GLS: variants seen among roughly 807,000 people sequenced by gnomAD.
The protein encoded by GLS is glutaminase.
A neutral mutation model predicts 86.7 loss-of-function variants in GLS; 36 were observed. That is an observed-to-expected ratio of 0.42 (90% confidence interval 0.32 to 0.55). GLS has a LOEUF of 0.55. GLS is among the 20% of genes least tolerant of loss of function. GLS has a pLI of 0.17. For missense variants in GLS, 528 were observed against 833.4 expected (o/e 0.63, Z 4.51); for synonymous variants, 317 against 305.9 (o/e 1.04, Z -0.38).
Position 190,964,419 on chromosome 2 carries a change from A to C in GLS, c.*1433A>C, listed in dbSNP as rs1330236215. 1 of 151,548 alleles carries C rather than the reference A, an allele frequency of 6.6e-6. No homozygotes were observed. Among genetic ancestry groups the C allele is most frequent in the Non-Finnish European group, 1.5e-5 (1 of 68,036 alleles). 9.4% of individuals were successfully genotyped at this position (151,548 alleles called of 1,614,324 possible). ...ATGAATGTTAGTTGTTATCACATACAGCAAATTCCTTTTTTTTTCTTTTTC... is the reference window on the plus strand; with the variant it reads ...ATGAATGTTAGTTGTTATCACATACCGCAAATTCCTTTTTTTTTCTTTTTC... On this transcript the variant is annotated 3_prime_UTR_variant, in exon 18 of 18. Transcript: ENST00000320717. This position sits in a 1 kb window ranked among gnomAD's most constrained non-coding sequence, Gnocchi z 5.2.
In GLS at chr2:190,964,225, T is replaced by A. The variant is rs1691068506; in HGVS notation, c.*1239T>A. On this transcript the variant is annotated 3_prime_UTR_variant, in exon 18 of 18. Coordinates refer to ENST00000320717, the MANE Select transcript of GLS (RefSeq NM_014905.5). This position sits in a 1 kb window ranked among gnomAD's most constrained non-coding sequence, Gnocchi z 5.2. ...CATTTGGAAAGTGGGTAAAAGGGGCTTCAAAAAACGGATAGAACAGGATTT... is the reference window on the plus strand; with the variant it reads ...CATTTGGAAAGTGGGTAAAAGGGGCATCAAAAAACGGATAGAACAGGATTT... The A allele has an allele frequency of 1.3e-5, 2 of 152,118 alleles. No individual in the cohort carries two copies. The highest frequency in any genetic ancestry group is 4.8e-5 in the African/African-American group (2 of 41,410). The allele number at this position is 152,118 out of a possible 1,614,324, so 9.4% of individuals were successfully genotyped here.
intron 7 of GLS, among the ~76,000 whole-genome samples, chr2:190,910,854 A>G (rs992613331): frequency 6.6e-6 from 1 of 150,752 alleles, no homozygotes; most frequent in African/African-American, 2.4e-5. Flanking sequence ...TACTTAAATC[A>G]TGCCATAATT....
In GLS at chr2:190,955,141, T is replaced by A. The variant is rs1404852829; in HGVS notation, c.1853+323T>A. 2.0e-5 allele frequency among the ~76,000 whole-genome samples: 3 copies of A among 152,018 alleles called. No homozygotes were observed. The highest frequency in any genetic ancestry group is 7.3e-5 in the African/African-American group (3 of 41,348). On this transcript the variant is annotated intron_variant, in intron 17 of 17. Transcript: ENST00000320717. This position sits in a 1 kb window ranked among gnomAD's most constrained non-coding sequence, Gnocchi z 5.6. ...TCATGGATTTTAAAAAAAAAATTTTTAAATTACACTTTAAGTTCTGGGATA... is the reference window on the plus strand; with the variant it reads ...TCATGGATTTTAAAAAAAAAATTTTAAAATTACACTTTAAGTTCTGGGATA...
chr2:190,933,095 A>G (rs1038802240), intron 14 of GLS: 6 of 963,406 alleles, frequency 6.2e-6, no homozygotes, highest in Non-Finnish European at 7.6e-6. Context: ...TTATTTTTAA[A>G]AATACAAAAA....
intron 7 of GLS, chr2:190,919,733 A>G (rs1387534485): frequency 5.1e-6 from 3 of 593,766 alleles, no homozygotes; most frequent in East Asian, 1.4e-4. Context: ...ACATTTCTAC[A>G]TTTTGATTTC....
chr2:190,943,258 A>G lies in GLS; in HGVS notation c.1651-10307A>G, dbSNP rs536991580. On this transcript the variant is annotated intron_variant, in intron 14 of 17. Transcript: ENST00000320717. This position sits in a 1 kb window ranked among gnomAD's most constrained non-coding sequence, Gnocchi z 4.5. Reference sequence around the variant, plus strand: ...GTAAGCAGTCAGATTTAGGCCTAAAACTTAGAGCAGTGTAAGTTGGAGCTA... The same window carrying G: ...GTAAGCAGTCAGATTTAGGCCTAAAGCTTAGAGCAGTGTAAGTTGGAGCTA... Among the ~76,000 whole-genome samples the G allele has an allele frequency of 5.9e-5, 9 of 152,294 alleles. No individual in the cohort carries two copies. Among genetic ancestry groups the G allele is most frequent in the Admixed American group, 3.3e-4 (5 of 15,298 alleles).
Position 190,935,120 on chromosome 2 carries a change from T to G in GLS, c.1650+3483T>G. 1 of 942,234 alleles carries G rather than the reference T, an allele frequency of 1.1e-6. No individual in the cohort carries two copies. The highest frequency in any genetic ancestry group is 1.3e-6 in the Non-Finnish European group (1 of 790,708). 58.4% of individuals were successfully genotyped at this position (942,234 alleles called of 1,614,324 possible). A position where few individuals can be genotyped will look rare whatever the true frequency, so the allele number is the denominator to read the frequency against. ...TTAACATTTCATTTGAAATGCATAT[T>G]GTTCTTGAAGTACTTTGTTTTTAGC... On this transcript the variant is annotated intron_variant, in intron 14 of 17. Transcript: ENST00000320717. This position sits in a 1 kb window ranked among gnomAD's most constrained non-coding sequence, Gnocchi z 4.2.
At chr2:190,946,796 C>T (rs541475928) in intron 14 of GLS, among the ~76,000 whole-genome samples, 3 of 151,900 alleles carry the variant, frequency 2.0e-5, no homozygotes, top group Non-Finnish European at 4.4e-5. Context: ...ATATTTAATC[C>T]GTTGGTTTCC....
chr2:190,900,526 TG>T (rs770624523), intron 3 of GLS, 37 bp from the exon 4 acceptor site: 72 of 1,295,414 alleles, frequency 5.6e-5, no homozygotes, highest in Middle Eastern at 4.6e-4. Flanking sequence ...ATATTTGAAA[TG>T]TACCCAGTTT....
chr2:190,965,146 T>C lies in GLS; in HGVS notation c.*2160T>C, dbSNP rs1691093554. ...CCGTCAGTAAACTCCAAAGATCTTT[T>C]TGTTTTGGCTTTAGTATCATATGTG... On this transcript the variant is annotated 3_prime_UTR_variant, in exon 18 of 18. Coordinates refer to ENST00000320717, the MANE Select transcript of GLS (RefSeq NM_014905.5). This position sits in a 1 kb window ranked among gnomAD's most constrained non-coding sequence, Gnocchi z 5.0. 6.6e-6 allele frequency: 1 copy of C among 152,606 alleles called. No individual in the cohort carries two copies. Among genetic ancestry groups the C allele is most frequent in the East Asian group, 1.9e-4 (1 of 5,196 alleles). The allele number at this position is 152,606 out of a possible 1,614,324, so 9.5% of individuals were successfully genotyped here.
In GLS at chr2:190,963,022, T is replaced by TTTAA; in HGVS notation, c.*39_*42dup. 1 of 1,411,226 alleles carries TTTAA rather than the reference T, an allele frequency of 7.1e-7. No individual in the cohort carries two copies. The highest frequency in any genetic ancestry group is 1.3e-5 in the South Asian group (1 of 77,540). 87.4% of individuals were successfully genotyped at this position (1,411,226 alleles called of 1,614,324 possible). A position where few individuals can be genotyped will look rare whatever the true frequency, so the allele number is the denominator to read the frequency against. ...TCCCAAGATTTAAATCACTTACCTA[T>TTTAA]TTAATTGTGGAAAATGATTATGAAG... On this transcript the variant is annotated 3_prime_UTR_variant, in exon 18 of 18. Transcript: ENST00000320717.
chr2:190,926,310 C>T (rs114337091), intron 11 of GLS, among the ~76,000 whole-genome samples: 3 of 152,214 alleles, frequency 2.0e-5, no homozygotes, highest in East Asian at 3.9e-4. Context: ...TATTGCAAGT[C>T]GATTCTGTCG....
intron 12 of GLS, among the ~76,000 whole-genome samples, chr2:190,928,925 TGTTTTG>T (rs1690002291): frequency 1.2e-5 from 1 of 84,386 alleles, no homozygotes; most frequent in Non-Finnish European, 2.6e-5. Flanking sequence ...TTGGTCTGCT[TGTTTTG>T]TTTAGTTTTG....
In GLS at chr2:190,881,483, G is replaced by A; in HGVS notation, c.386+13G>A. 1.3e-6 allele frequency: 2 copies of A among 1,536,664 alleles called. No homozygotes were observed. Among genetic ancestry groups the A allele is most frequent in the Non-Finnish European group, 1.8e-6 (2 of 1,140,614 alleles). ...CCTCAGGTGAAAAGTGAGTGTCTCC[G>A]CGAGGCGCAGGAGGCCTCGTTCCTT... On this transcript the variant is annotated intron_variant, in intron 1 of 17. Transcript: ENST00000320717.
At position 190,913,074 on chromosome 2, in the gene GLS, AT is replaced by A; in HGVS notation, c.1038+2754del. 2.4e-6 allele frequency: 2 copies of A among 842,364 alleles called. No individual in the cohort carries two copies. Among genetic ancestry groups the A allele is most frequent in the South Asian group, 2.9e-5 (2 of 68,676 alleles). 52.2% of individuals were successfully genotyped at this position (842,364 alleles called of 1,614,324 possible). ...TTTTTCTTTCAAAATTCAGGAATTT[AT>A]CATGGTGCCATTAAAATCATTTTCT... On this transcript the variant is annotated intron_variant, in intron 7 of 17. Transcript: ENST00000320717. This position sits in a 1 kb window ranked among gnomAD's most constrained non-coding sequence, Gnocchi z 6.1.
chr2:190,963,526 C>T lies in GLS; in HGVS notation c.*540C>T, dbSNP rs1477749245. The T allele has an allele frequency of 6.5e-6, 1 of 152,872 alleles. No individual in the cohort carries two copies. The highest frequency in any genetic ancestry group is 1.5e-5 in the Non-Finnish European group (1 of 68,220). The allele number at this position is 152,872 out of a possible 1,614,324, so 9.5% of individuals were successfully genotyped here. On this transcript the variant is annotated 3_prime_UTR_variant, in exon 18 of 18. Transcript: ENST00000320717. ...CTTAAAAAACTATAATAGTTAACAA[C>T]TGTTAGTAAGATAGACCAATTCTGA...
intron 14 of GLS, among the ~76,000 whole-genome samples, chr2:190,946,211 T>C (rs1690573074): frequency 1.3e-5 from 2 of 152,228 alleles, no homozygotes; most frequent in African/African-American, 4.8e-5. Flanking sequence ...AATTTACATA[T>C]GATGGCAACT....
Position 190,880,851 on chromosome 2 carries a change from C to T in GLS, c.-234C>T, listed in dbSNP as rs550062350. 6 of 810,884 alleles carry T rather than the reference C, an allele frequency of 7.4e-6. No individual in the cohort carries two copies. The highest frequency in any genetic ancestry group is 1.2e-5 in the Non-Finnish European group (6 of 500,120). 50.2% of individuals were successfully genotyped at this position (810,884 alleles called of 1,614,324 possible). Reference sequence around the variant, plus strand: ...GGAGCCTTAGGCGGAGCGAAGAGAACCGGTCGCGGCAATCCTAGCGCGCAG... The same window carrying T: ...GGAGCCTTAGGCGGAGCGAAGAGAATCGGTCGCGGCAATCCTAGCGCGCAG... On this transcript the variant is annotated 5_prime_UTR_variant, in exon 1 of 18. Coordinates refer to ENST00000320717, the MANE Select transcript of GLS (RefSeq NM_014905.5).
chr2:190,906,579 C>T (rs1199362941), intron 6 of GLS, among the ~76,000 whole-genome samples: 1 of 152,018 alleles, frequency 6.6e-6, no homozygotes. Flanking sequence ...GAGATTTTGC[C>T]TCGATATTCA....
Sources: gnomAD v4.1 joint callset for allele counts (sites outside exome capture counted in the v4.1 genomes callset) on GRCh38, gnomAD v4.1.1 for gene constraint, Gnocchi (gnomAD v3.1) non-coding constraint, MANE v1.5 for transcripts, NCBI Gene and HGNC (gene_info 2026-07-23, HGNC 2026-07-21) for gene names.